DHX16: variants seen among roughly 807,000 people sequenced by gnomAD.
The protein encoded by DHX16 is DEAH-box helicase 16.
Under a neutral mutation model 131.2 loss-of-function variants are expected in DHX16, and 81 were observed. The ratio of observed to expected loss-of-function variants is 0.62; its 90% CI spans 0.52 to 0.74. DHX16 has a LOEUF of 0.74. Ranked by LOEUF, DHX16 falls within the 30% of genes least tolerant of loss-of-function variation. The pLI, the probability that DHX16 is intolerant of heterozygous loss-of-function variation, is 0.00. For missense variants in DHX16, 980 were observed against 1,363.1 expected, an observed-to-expected ratio of 0.72 and a Z score of 4.43; for synonymous variants, 440 against 520.2, an observed-to-expected ratio of 0.85 and a Z score of 2.10.
In DHX16 at chr6:30,653,379, G is replaced by A. The variant is rs1239483521; in HGVS notation, c.2998-9C>T. The stretch of plus-strand genomic sequence containing the variant: ...CTCTCAATCTCCAGTACCTAGGAGA[G>A]AGAAAAGATCAATGGAGTTCCCTTC... On this transcript the variant is annotated splice_polypyrimidine_tract_variant and intron_variant, in intron 19 of 19. Coordinates refer to ENST00000376442, the MANE Select transcript of DHX16 (RefSeq NM_003587.5). 1.9e-6 allele frequency: 3 copies of A among 1,593,768 alleles called. No individual in the cohort carries two copies. The highest frequency in any genetic ancestry group is 1.7e-6 in the Non-Finnish European group (2 of 1,174,466).
At chr6:30,668,194 ACT>A (rs1769214283) in intron 4 of DHX16, among the ~76,000 whole-genome samples, 2 of 152,096 alleles carry the variant, frequency 1.3e-5, no homozygotes, top group Admixed American at 6.6e-5. Flanking sequence ...GATGTCTAAG[ACT>A]CTTTTAAATG....
Position 30,665,536 on chromosome 6 carries a change from C to T in DHX16, c.864G>A (p.Glu288=), listed in dbSNP as rs144356747. ...GATTGGTGGCCTCCAGCTTCTCCTG[C>T]TCCCCAGCTGCCCGGTACTCCCGGG... ...DLAREYRAAG[E]QEKLEATNRY... Residue 288 remains glutamate (E), a synonymous_variant, in exon 5 of 20, where the codon GAG becomes GAA. Coordinates refer to ENST00000376442, the MANE Select transcript of DHX16 (RefSeq NM_003587.5). The surrounding 1 kb of genome is among the most constrained non-coding windows in gnomAD (Gnocchi z 4.8). 1.5e-5 allele frequency: 25 copies of T among 1,612,970 alleles called. No homozygotes were observed. The African/African-American group carries it at 2.8e-4, about 18-fold the overall frequency.
chr6:30,672,588 G>T, intron 1 of DHX16, 47 bp downstream of exon 1: 1 of 1,531,082 alleles, frequency 6.5e-7, no homozygotes, highest in South Asian at 1.1e-5. Context: ...CGTTAGGCCA[G>T]CCTCACCGGG....
Position 30,656,457 on chromosome 6 carries a change from T to C in DHX16, c.2364A>G (p.Thr788=). 1 of 1,614,042 alleles carries C rather than the reference T, an allele frequency of 6.2e-7. No individual in the cohort carries two copies. The highest frequency in any genetic ancestry group is 8.5e-7 in the Non-Finnish European group (1 of 1,180,002). The part of the protein sequence containing the change: ...FDFLDPPPYE[T]LLLALEQLYA... ...ACAGCTGCTCCAAAGCCAGCAGCAG[T>C]GTCTCATATGGTGGAGGGTCCAGGA... The change falls in exon 15 of 20, where the codon ACA becomes ACG. Residue 788 remains threonine (T), a synonymous_variant. Coordinates refer to ENST00000376442, the MANE Select transcript of DHX16 (RefSeq NM_003587.5). The surrounding 1 kb of genome is among the most constrained non-coding windows in gnomAD (Gnocchi z 5.1).
At chr6:30,658,256 G>A (rs1400321801) in intron 12 of DHX16, among the ~76,000 whole-genome samples, 2 of 152,036 alleles carry the variant, frequency 1.3e-5, no homozygotes, top group African/African-American at 4.8e-5. Flanking sequence ...AATTAGCTGG[G>A]TGTTGGCCAG....
chr6:30,667,926 C>A (rs187332777), intron 4 of DHX16, among the ~76,000 whole-genome samples: 1 of 152,154 alleles, frequency 6.6e-6, no homozygotes, highest in Non-Finnish European at 1.5e-5. Flanking sequence ...CAAGGTGAGA[C>A]AGACAGAGAG....
Position 30,672,791 on chromosome 6 carries a change from C to A in DHX16, c.51G>T (p.Ser17=). 6.2e-7 allele frequency: 1 copy of A among 1,612,992 alleles called. No individual in the cohort carries two copies. The highest frequency in any genetic ancestry group is 2.2e-5 in the East Asian group (1 of 44,880). The change falls in exon 1 of 20, where the codon TCG becomes TCT. Residue 17 remains serine, a synonymous_variant. Coordinates refer to ENST00000376442, the MANE Select transcript of DHX16 (RefSeq NM_003587.5). ...CGTGCCGCTCGCTCAGCCCCAACAC[C>A]GAGTGCAGCTCGTCCTGAACCCAGC... ...LERWVQDELH[S]VLGLSERHVA...
rs762543794 is a variant in DHX16 at position 30,655,572 on chromosome 6, T to A, written c.2524A>T (p.Thr842Ser). 11 of 1,613,094 alleles carry A rather than the reference T, an allele frequency of 6.8e-6. No individual in the cohort carries two copies. The Admixed American group carries it at 1.5e-4, about 22-fold the overall frequency. The change falls in exon 17 of 20, where the codon ACA (threonine) becomes TCA (serine). Residue 842 changes from threonine to serine, a missense_variant. Coordinates refer to ENST00000376442, the MANE Select transcript of DHX16 (RefSeq NM_003587.5). ...TTGACAGAGAGCATGGCAGCCACTG[T>A]CAGGATCTCCTCTGAACAGCTGTAC... ...EKYSCSEEIL[T>S]VAAMLSVNNS...
chr6:30,666,027 G>A (rs952832674), intron 4 of DHX16, among the ~76,000 whole-genome samples: 4 of 152,138 alleles, frequency 2.6e-5, no homozygotes, highest in African/African-American at 7.2e-5. Context: ...AGATGTCTGC[G>A]TAGCTTATAT....
Position 30,654,694 on chromosome 6 carries a change from T to TA in DHX16, c.2997+11_2997+12insT. 6.2e-7 allele frequency: 1 copy of TA among 1,607,312 alleles called. No homozygotes were observed. The highest frequency in any genetic ancestry group is 1.1e-5 in the South Asian group (1 of 90,294). On this transcript the variant is annotated intron_variant, in intron 19 of 19. Coordinates refer to ENST00000376442, the MANE Select transcript of DHX16 (RefSeq NM_003587.5). ...AGTCTCCACCTGCGTGGGCACAGGATGTTCTCCTCACCTGTCTCATGAACT... is the reference window on the plus strand; with the variant it reads ...AGTCTCCACCTGCGTGGGCACAGGATAGTTCTCCTCACCTGTCTCATGAACT...
rs1431499636 is a variant in DHX16 at position 30,654,785 on chromosome 6, T to C, written c.2918A>G (p.Asn973Ser). 6.2e-7 allele frequency: 1 copy of C among 1,611,958 alleles called. No individual in the cohort carries two copies. Among genetic ancestry groups the C allele is most frequent in the South Asian group, 1.1e-5 (1 of 91,026 alleles). ...TGGCTGTTGCTCAAAGAGGGAGGAG[T>C]TGGGATGAATGAAGACTGTCTGCTG... ...KQQQTVFIHP[N>S]SSLFEQQPRW... Residue 973 changes from asparagine (N) to serine (S), a missense_variant, in exon 19 of 20, where the codon AAC (asparagine) becomes AGC (serine). Physicochemically the swap from Asn to Ser is conservative, Grantham distance 46 (BLOSUM62 1). This residue lies in a region of DHX16 where 214 missense variants were observed against 271.2 expected (regional missense o/e 0.79). Coordinates refer to ENST00000376442, the MANE Select transcript of DHX16 (RefSeq NM_003587.5).
chr6:30,665,582 T>C lies in DHX16; in HGVS notation c.818A>G (p.Lys273Arg). The C allele has an allele frequency of 6.2e-7, 1 of 1,612,978 alleles. No individual in the cohort carries two copies. Reference sequence around the variant, plus strand: ...CCGGGCGAGATCCCGCACTCGCCGCTTATATTTGAGCTCCTGCCGCTCGTG... The same window carrying C: ...CCGGGCGAGATCCCGCACTCGCCGCCTATATTTGAGCTCCTGCCGCTCGTG... ...SRHERQELKYKRRVRDLAREY... is the reference protein window; with the variant it reads ...SRHERQELKYRRRVRDLAREY... The change falls in exon 5 of 20, where the codon AAG becomes AGG. Residue 273 changes from lysine to arginine, a missense_variant. By Grantham distance (26) the Lys-to-Arg change is conservative (BLOSUM62 2). Transcript: ENST00000376442. This position sits in a 1 kb window ranked among gnomAD's most constrained non-coding sequence, Gnocchi z 4.8.
At position 30,655,254 on chromosome 6, in the gene DHX16, C is replaced by A; in HGVS notation, c.2744G>T (p.Arg915Leu). The A allele has an allele frequency of 1.2e-6, 2 of 1,614,182 alleles. No individual in the cohort carries two copies. The highest frequency in any genetic ancestry group is 1.7e-6 in the Non-Finnish European group (2 of 1,180,038). The change falls in exon 18 of 20, where the codon CGG (arginine) becomes CTG (leucine). Residue 915 changes from arginine to leucine, a missense_variant. Coordinates refer to ENST00000376442, the MANE Select transcript of DHX16 (RefSeq NM_003587.5). ...TTCCAAGAGCCCTTCCAGCTGTTCC[C>A]GCACATCCCGGGCTCGGCGCATCGA... ...FRSMRRARDVREQLEGLLERV... is the reference protein window; with the variant it reads ...FRSMRRARDVLEQLEGLLERV...
At chr6:30,658,863 T>C (rs1218559642) in intron 12 of DHX16, among the ~76,000 whole-genome samples, 2 of 152,096 alleles carry the variant, frequency 1.3e-5, no homozygotes, top group Non-Finnish European at 2.9e-5. Flanking sequence ...CAAACATACC[T>C]TGGGCCTTCC....
intron 4 of DHX16, among the ~76,000 whole-genome samples, chr6:30,669,832 A>C (rs1380906364): frequency 1.3e-5 from 2 of 151,928 alleles, no homozygotes; most frequent in Non-Finnish European, 2.9e-5. Context: ...TTTACTTGAC[A>C]AGACCAGGCC....
chr6:30,654,638 C>T, intron 19 of DHX16, 68 bp downstream of exon 19: 1 of 1,474,564 alleles, frequency 6.8e-7, no homozygotes, highest in African/African-American at 1.4e-5. Flanking sequence ...AACCTGGGTT[C>T]TTAGCTTGCC....
At chr6:30,669,923 G>A (rs1769380203) in intron 4 of DHX16, among the ~76,000 whole-genome samples, 1 of 152,056 alleles carries the variant, frequency 6.6e-6, no homozygotes, top group Admixed American at 6.6e-5. Context: ...TCCCTGTCCA[G>A]TGAGAAGACA....
intron 16 of DHX16, among the ~76,000 whole-genome samples, chr6:30,655,808 G>A (rs1767928457): frequency 6.6e-6 from 1 of 152,130 alleles, no homozygotes; most frequent in African/African-American, 2.4e-5. Flanking sequence ...CACAAAGGAG[G>A]GACATCCATG....
At chr6:30,654,681 C>T (rs1171250031) in intron 19 of DHX16, 25 bp downstream of exon 19, 16 of 1,596,656 alleles carry the variant, frequency 1.0e-5, no homozygotes, top group South Asian at 7.9e-5. Flanking sequence ...TCTCCACCTG[C>T]GTGGGCACAG....
Sources: gnomAD v4.1 joint callset for allele counts (sites outside exome capture counted in the v4.1 genomes callset) on GRCh38, gnomAD v4.1.1 for gene constraint, gnomAD v4.1.1 regional missense constraint, Gnocchi (gnomAD v3.1) non-coding constraint, MANE v1.5 for transcripts, NCBI Gene and HGNC (gene_info 2026-07-23, HGNC 2026-07-21) for gene names.